DMRTA1: variants seen among roughly 807,000 people sequenced by gnomAD.
The protein encoded by DMRTA1 is DMRT like family A1.
A neutral mutation model predicts 35.2 loss-of-function variants in DMRTA1; 34 were observed. That is an observed-to-expected ratio of 0.97 (90% confidence interval 0.74 to 1.29). The LOEUF (loss-of-function observed/expected upper bound fraction) is 1.29, where lower values mean the gene tolerates loss of function less well. DMRTA1 is among the 50% of genes most tolerant of loss of function. The pLI, the probability that DMRTA1 is intolerant of heterozygous loss-of-function variation, is 0.00. For missense variants in DMRTA1, 824 were observed against 644.6 expected (o/e 1.28, Z -3.01); for synonymous variants, 344 against 276.6 (o/e 1.24, Z -2.42).
chr9:22,451,476 T>C lies in DMRTA1; in HGVS notation c.1080T>C (p.Ile360=), dbSNP rs2117961522. 1 of 1,614,110 alleles carries C rather than the reference T, an allele frequency of 6.2e-7. No individual in the cohort carries two copies. Among genetic ancestry groups the C allele is most frequent in the East Asian group, 2.2e-5 (1 of 44,880 alleles). Reference sequence around the variant, plus strand: ...GCAAAGGGGATGTGGTCCAAGCCATTGAACAGGTTTTAAATGGCAAAGAAC... The same window carrying C: ...GCAAAGGGGATGTGGTCCAAGCCATCGAACAGGTTTTAAATGGCAAAGAAC... ...RFCKGDVVQA[I]EQVLNGKEHK... is the part of the protein sequence containing the mutation. Residue 360 remains isoleucine (I), a synonymous_variant, in exon 2 of 2, where the codon ATT becomes ATC. Transcript: ENST00000325870.
At position 22,451,985 on chromosome 9, in the gene DMRTA1, A is replaced by C; in HGVS notation, c.*74A>C. The C allele has an allele frequency of 6.5e-7, 1 of 1,532,226 alleles. No individual in the cohort carries two copies. Among genetic ancestry groups the C allele is most frequent in the Non-Finnish European group, 8.8e-7 (1 of 1,133,890 alleles). The allele number at this position is 1,532,226 out of a possible 1,614,324, so 94.9% of individuals were successfully genotyped here. ...TGCACGTGCACACACATACACACAC[A>C]TCCATTAATATACTTCAGTAAGTAT... is the stretch of plus-strand genomic sequence containing the variant. On this transcript the variant is annotated 3_prime_UTR_variant, in exon 2 of 2. Coordinates refer to ENST00000325870, the MANE Select transcript of DMRTA1 (RefSeq NM_022160.3).
intron 1 of DMRTA1, among the ~76,000 whole-genome samples, chr9:22,449,681 A>G (rs543263192): frequency 6.6e-6 from 1 of 152,284 alleles, no homozygotes; most frequent in Admixed American, 6.5e-5. Flanking sequence ...TGTTATTTAA[A>G]GTTGAAAATC....
chr9:22,447,837 A>C, intron 1 of DMRTA1, 105 bp downstream of exon 1: 1 of 1,371,910 alleles, frequency 7.3e-7, no homozygotes, highest in Non-Finnish European at 1.0e-6. Context: ...AGTTGTTTAA[A>C]AGAAACACTT....
rs1411611967 is a variant in DMRTA1 at position 22,453,915 on chromosome 9, A to T, written c.*2004A>T. On this transcript the variant is annotated 3_prime_UTR_variant, in exon 2 of 2. Coordinates refer to ENST00000325870, the MANE Select transcript of DMRTA1 (RefSeq NM_022160.3). ...ACATTATACAATAGAGATATGGTTT[A>T]AAAAAAAATCCTAGAGTTACTGCAT... 1 of 151,556 alleles carries T rather than the reference A, an allele frequency of 6.6e-6. No homozygotes were observed. Among genetic ancestry groups the T allele is most frequent in the Non-Finnish European group, 1.5e-5 (1 of 67,794 alleles). The allele number at this position is 151,556 out of a possible 1,614,324, so 9.4% of individuals were successfully genotyped here.
Position 22,453,129 on chromosome 9 carries a change from C to A in DMRTA1, c.*1218C>A, listed in dbSNP as rs1818956946. ...ATTTTCTTTGTATGTCATCATTTTT[C>A]TTTTTTGAAGGACAGTAGCTTCATT... On this transcript the variant is annotated 3_prime_UTR_variant, in exon 2 of 2. Coordinates refer to ENST00000325870, the MANE Select transcript of DMRTA1 (RefSeq NM_022160.3). The A allele has an allele frequency of 6.6e-6, 1 of 151,918 alleles. No homozygotes were observed. Among genetic ancestry groups the A allele is most frequent in the South Asian group, 2.1e-4 (1 of 4,820 alleles). The allele number at this position is 151,918 out of a possible 1,614,324, so 9.4% of individuals were successfully genotyped here.
Position 22,452,066 on chromosome 9 carries a change from A to C in DMRTA1, c.*155A>C. The stretch of plus-strand genomic sequence containing the variant: ...GGTTTTTTTTTTTTCAAGCAATATA[A>C]TAGGTCTTAGATCTGAAAACTCTTC... On this transcript the variant is annotated 3_prime_UTR_variant, in exon 2 of 2. Coordinates refer to ENST00000325870, the MANE Select transcript of DMRTA1 (RefSeq NM_022160.3). The C allele has an allele frequency of 1.2e-6, 1 of 846,730 alleles. No individual in the cohort carries two copies. The highest frequency in any genetic ancestry group is 1.8e-6 in the Non-Finnish European group (1 of 570,796). The allele number at this position is 846,730 out of a possible 1,614,324, so 52.5% of individuals were successfully genotyped here.
Position 22,447,191 on chromosome 9 carries a change from G to C in DMRTA1, c.126G>C (p.Gln42His). The change falls in exon 1 of 2, where the codon CAG becomes CAC. Residue 42 changes from glutamine to histidine, a missense_variant. Gln to His is a conservative substitution (Grantham distance 24). Coordinates refer to ENST00000325870, the MANE Select transcript of DMRTA1 (RefSeq NM_022160.3). ...SPALPVPSGM[Q>H]VPPAFLRPPS... ...CGTTGCCGGTACCATCGGGGATGCA[G>C]GTTCCCCCAGCGTTCCTGCGGCCGC... 6.3e-7 allele frequency: 1 copy of C among 1,593,836 alleles called. No homozygotes were observed. The highest frequency in any genetic ancestry group is 8.5e-7 in the Non-Finnish European group (1 of 1,172,512).
chr9:22,447,327 G>C lies in DMRTA1; in HGVS notation c.262G>C (p.Gly88Arg). Residue 88 changes from glycine (G) to arginine (R), a missense_variant, in exon 1 of 2, where the codon GGC (glycine) becomes CGC (arginine). Gly to Arg is a moderately radical substitution (Grantham distance 125). Transcript: ENST00000325870. Reference protein sequence around the residue: ...PGLESGVGAVGCGYPRTPKCA... With the variant: ...PGLESGVGAVRCGYPRTPKCA... ...GCTGGAGAGCGGGGTAGGCGCGGTGGGCTGCGGCTACCCGCGGACGCCCAA... is the reference window on the plus strand; with the variant it reads ...GCTGGAGAGCGGGGTAGGCGCGGTGCGCTGCGGCTACCCGCGGACGCCCAA... 6.5e-7 allele frequency: 1 copy of C among 1,537,754 alleles called. No individual in the cohort carries two copies. The highest frequency in any genetic ancestry group is 8.7e-7 in the Non-Finnish European group (1 of 1,146,002).
chr9:22,453,605 T>C lies in DMRTA1; in HGVS notation c.*1694T>C, dbSNP rs773562940. On this transcript the variant is annotated 3_prime_UTR_variant, in exon 2 of 2. Coordinates refer to ENST00000325870, the MANE Select transcript of DMRTA1 (RefSeq NM_022160.3). ...CCGTAGTACAATGTCTAGCAAGTAGTTGAAATTCAATTCATATATACTGAG... is the reference window on the plus strand; with the variant it reads ...CCGTAGTACAATGTCTAGCAAGTAGCTGAAATTCAATTCATATATACTGAG... 7.2e-5 allele frequency: 11 copies of C among 152,220 alleles called. No individual in the cohort carries two copies. The highest frequency in any genetic ancestry group is 2.0e-4 in the Admixed American group (3 of 15,284). 9.4% of individuals were successfully genotyped at this position (152,220 alleles called of 1,614,324 possible).
rs754232270 is a variant in DMRTA1 at position 22,451,782 on chromosome 9, A to C, written c.1386A>C (p.Pro462=). 1.9e-6 allele frequency: 3 copies of C among 1,613,940 alleles called. No individual in the cohort carries two copies. In the East Asian group the frequency reaches 6.7e-5, roughly 36 times the overall value. The stretch of plus-strand genomic sequence containing the variant: ...CCTACCTAACACCTGGGTTAGTACC[A>C]ACCTTACCTTTTCGGCCAGCTTTGG... ...MSPYLTPGLV[P]TLPFRPALDY... The change falls in exon 2 of 2, where the codon CCA becomes CCC. Residue 462 remains proline, a synonymous_variant. Coordinates refer to ENST00000325870, the MANE Select transcript of DMRTA1 (RefSeq NM_022160.3).
chr9:22,453,868 A>T lies in DMRTA1; in HGVS notation c.*1957A>T, dbSNP rs2117968486. 6.6e-6 allele frequency: 1 copy of T among 152,186 alleles called. No individual in the cohort carries two copies. The highest frequency in any genetic ancestry group is 1.9e-4 in the East Asian group (1 of 5,184). 9.4% of individuals were successfully genotyped at this position (152,186 alleles called of 1,614,324 possible). On this transcript the variant is annotated 3_prime_UTR_variant, in exon 2 of 2. Coordinates refer to ENST00000325870, the MANE Select transcript of DMRTA1 (RefSeq NM_022160.3). ...TCCTGTAGAGGATACTGAATGTAAA[A>T]TATTGTGCTCTAAAGGAAGTTACAT...
At position 22,447,157 on chromosome 9, in the gene DMRTA1, C is replaced by G; in HGVS notation, c.92C>G (p.Pro31Arg). Residue 31 changes from proline to arginine, a missense_variant, in exon 1 of 2, where the codon CCG (proline) becomes CGG (arginine). Coordinates refer to ENST00000325870, the MANE Select transcript of DMRTA1 (RefSeq NM_022160.3). ...CTAGTGGTGGCTGCCCCTCCGCCCC[C>G]GTCCCCGGCGTTGCCGGTACCATCG... ...PGLVVAAPPP[P>R]SPALPVPSGM... 1 of 1,601,232 alleles carries G rather than the reference C, an allele frequency of 6.2e-7. No individual in the cohort carries two copies. Among genetic ancestry groups the G allele is most frequent in the Non-Finnish European group, 8.5e-7 (1 of 1,175,144 alleles).
chr9:22,454,646 AATTAGTGGT>A lies in DMRTA1; in HGVS notation c.*2736_*2744del, dbSNP rs1174546080. On this transcript the variant is annotated 3_prime_UTR_variant, in exon 2 of 2. Coordinates refer to ENST00000325870, the MANE Select transcript of DMRTA1 (RefSeq NM_022160.3). ...TTGAAGCCTGAACTCCTAAGCCACT[AATTAGTGGT>A]GGGAAGAAAGAGGGGGTAAATGCTT... is the stretch of plus-strand genomic sequence containing the variant. 6.6e-6 allele frequency: 1 copy of A among 152,184 alleles called. No homozygotes were observed. The highest frequency in any genetic ancestry group is 1.5e-5 in the Non-Finnish European group (1 of 68,012). 9.4% of individuals were successfully genotyped at this position (152,184 alleles called of 1,614,324 possible).
chr9:22,448,334 G>A (rs1391245967), intron 1 of DMRTA1, among the ~76,000 whole-genome samples: 1 of 152,206 alleles, frequency 6.6e-6, no homozygotes, highest in Non-Finnish European at 1.5e-5. Flanking sequence ...TTGCAAGCTT[G>A]ATGTGGGGAA....
At position 22,447,499 on chromosome 9, in the gene DMRTA1, A is replaced by G. The variant is rs756637667; in HGVS notation, c.434A>G (p.Gln145Arg). Residue 145 changes from glutamine to arginine, a missense_variant, in exon 1 of 2, where the codon CAG becomes CGG. Coordinates refer to ENST00000325870, the MANE Select transcript of DMRTA1 (RefSeq NM_022160.3). ...GCCGCCCAGGTGGCGCTGCGCAGGCAGCAGGCGCAGGAGGAGAGCGAAGCC... is the reference window on the plus strand; with the variant it reads ...GCCGCCCAGGTGGCGCTGCGCAGGCGGCAGGCGCAGGAGGAGAGCGAAGCC... ...VMAAQVALRR[Q>R]QAQEESEARG... The G allele has an allele frequency of 1.0e-5, 16 of 1,564,846 alleles. No homozygotes were observed. Among genetic ancestry groups the G allele is most frequent in the Non-Finnish European group, 1.3e-5 (15 of 1,156,458 alleles).
At chr9:22,450,660 A>T (rs1818910393) in intron 1 of DMRTA1, among the ~76,000 whole-genome samples, 2 of 152,234 alleles carry the variant, frequency 1.3e-5, no homozygotes, top group South Asian at 4.1e-4. Flanking sequence ...CCATAGTGTC[A>T]TTCTGAAAAA....
chr9:22,452,570 GTC>G lies in DMRTA1; in HGVS notation c.*661_*662del, dbSNP rs1818947156. On this transcript the variant is annotated 3_prime_UTR_variant, in exon 2 of 2. Coordinates refer to ENST00000325870, the MANE Select transcript of DMRTA1 (RefSeq NM_022160.3). Reference sequence around the variant, plus strand: ...CATTTCTCTTTAAAGTTGACACTGTGTCTATGAAGTAAATTTTAGGAAATAAG... The same window carrying G: ...CATTTCTCTTTAAAGTTGACACTGTGTATGAAGTAAATTTTAGGAAATAAG... 6.6e-6 allele frequency: 1 copy of G among 152,166 alleles called. No homozygotes were observed. Among genetic ancestry groups the G allele is most frequent in the South Asian group, 2.1e-4 (1 of 4,836 alleles). 9.4% of individuals were successfully genotyped at this position (152,166 alleles called of 1,614,324 possible). A position where few individuals can be genotyped will look rare whatever the true frequency, so the allele number is the denominator to read the frequency against.
chr9:22,450,303 T>C (rs529678147), intron 1 of DMRTA1, among the ~76,000 whole-genome samples: 1 of 152,230 alleles, frequency 6.6e-6, no homozygotes, highest in East Asian at 1.9e-4. Flanking sequence ...TAATTTTCTT[T>C]TACAAACAAT....
Position 22,447,362 on chromosome 9 carries a change from C to T in DMRTA1, c.297C>T (p.Arg99=). Residue 99 remains arginine (R), a synonymous_variant, in exon 1 of 2, where the codon CGC becomes CGT. Transcript: ENST00000325870. The part of the protein sequence containing the change: ...CGYPRTPKCA[R]CRNHGVVSAL... ...ACCCGCGGACGCCCAAGTGCGCCCG[C>T]TGTCGTAACCATGGTGTGGTGTCAG... 1.3e-6 allele frequency: 2 copies of T among 1,538,466 alleles called. No homozygotes were observed. The highest frequency in any genetic ancestry group is 1.7e-6 in the Non-Finnish European group (2 of 1,146,580).
Sources: gnomAD v4.1 joint callset for allele counts (sites outside exome capture counted in the v4.1 genomes callset) on GRCh38, gnomAD v4.1.1 for gene constraint, MANE v1.5 for transcripts, NCBI Gene and HGNC (gene_info 2026-07-23, HGNC 2026-07-21) for gene names.